The following PPP6R3 variants were observed in gnomAD, a reference collection of about 807,000 sequenced individuals.
The protein encoded by PPP6R3 is serine/threonine-protein phosphatase 6 regulatory subunit 3.
Under a neutral mutation model 110.7 loss-of-function variants are expected in PPP6R3, and 38 were observed. That is an observed-to-expected ratio of 0.34 (90% confidence interval 0.26 to 0.45). The LOEUF (loss-of-function observed/expected upper bound fraction) is 0.45, where lower values mean the gene tolerates loss of function less well. Ranked by LOEUF, PPP6R3 falls within the 20% of genes least tolerant of loss-of-function variation. The pLI is 1.00. For synonymous variants in PPP6R3, 369 were observed against 373.5 expected (o/e 0.99, Z 0.14); for missense variants, 870 against 1,062.4 (o/e 0.82, Z 2.52).
Position 68,591,634 on chromosome 11 carries a change from G to A in PPP6R3, c.1844G>A (p.Gly615Asp), listed in dbSNP as rs756175932. 2 of 1,613,264 alleles carry A rather than the reference G, an allele frequency of 1.2e-6. No individual in the cohort carries two copies. Among genetic ancestry groups the A allele is most frequent in the South Asian group, 1.1e-5 (1 of 90,918 alleles). The change falls in exon 18 of 24, where the codon GGT becomes GAT. Residue 615 changes from glycine (G) to aspartate (D), a missense_variant. Coordinates refer to ENST00000393800, the MANE Select transcript of PPP6R3 (RefSeq NM_001164161.2). ...GAAAGAATACAACAGTTTGATGATG[G>A]TGGCTCTGATGAGGAAGATATATGG... is the stretch of plus-strand genomic sequence containing the variant. ...CKERIQQFDD[G>D]GSDEEDIWEE...
chr11:68,462,697 A>G (rs758509017), intron 1 of PPP6R3, among the ~76,000 whole-genome samples: 25 of 152,178 alleles, frequency 1.6e-4, no homozygotes, highest in Non-Finnish European at 3.1e-4. Context: ...ACATTGAACA[A>G]AATGCCTGCA....
chr11:68,467,315 A>G (rs1365767828), intron 1 of PPP6R3, among the ~76,000 whole-genome samples: 1 of 152,206 alleles, frequency 6.6e-6, no homozygotes, highest in Admixed American at 6.5e-5. Context: ...GTGGAAATAC[A>G]TAGTGACTTG....
chr11:68,545,087 G>A, intron 4 of PPP6R3, 63 bp downstream of exon 4: 2 of 1,294,310 alleles, frequency 1.5e-6, no homozygotes, highest in Non-Finnish European at 1.1e-6. Flanking sequence ...TGATCCCCCA[G>A]TACTTGTTGC....
intron 1 of PPP6R3, among the ~76,000 whole-genome samples, chr11:68,518,838 T>A (rs1001049776): frequency 1.3e-5 from 2 of 152,222 alleles, no homozygotes; most frequent in African/African-American, 2.4e-5. Context: ...GATTGCATTC[T>A]TAGAGGATTT....
chr11:68,591,667 A>G lies in PPP6R3; in HGVS notation c.1877A>G (p.Lys626Arg). ...GSDEEDIWEE[K>R]HIAFTPESQR... ...GATGAGGAAGATATATGGGAGGAAA[A>G]GCACATCGCATTCACACCAGAATCC... is the stretch of plus-strand genomic sequence containing the variant. Residue 626 changes from lysine (K) to arginine (R), a missense_variant, in exon 18 of 24, where the codon AAG (lysine) becomes AGG (arginine). By Grantham distance (26) the Lys-to-Arg change is conservative (BLOSUM62 2). Coordinates refer to ENST00000393800, the MANE Select transcript of PPP6R3 (RefSeq NM_001164161.2). 6.2e-7 allele frequency: 1 copy of G among 1,613,420 alleles called. No homozygotes were observed. The highest frequency in any genetic ancestry group is 8.5e-7 in the Non-Finnish European group (1 of 1,179,708).
chr11:68,535,858 A>G (rs938909281), intron 2 of PPP6R3, among the ~76,000 whole-genome samples: 4 of 151,256 alleles, frequency 2.6e-5, no homozygotes, highest in Non-Finnish European at 4.4e-5. Flanking sequence ...AATCCTAGCT[A>G]CTTGGGAGGC....
chr11:68,477,741 AATATATATATATAT>A lies in PPP6R3; in HGVS notation c.-158+16932_-158+16945del, dbSNP rs1179617745. Among the ~76,000 whole-genome samples the A allele has an allele frequency of 3.5e-5, 2 of 57,894 alleles. 1 individual carries two copies. The highest frequency in any genetic ancestry group is 1.4e-4 in the African/African-American group (2 of 14,016). The allele number at this position is 57,894 out of a possible 152,430, so 38.0% of individuals were successfully genotyped here. ...GACATTGTCTCTTAAAAAAAAAAAA[AATATATATATATAT>A]ATATATATATATATATAATTTCCAA... is the stretch of plus-strand genomic sequence containing the variant. On this transcript the variant is annotated intron_variant, in intron 1 of 23. Coordinates refer to ENST00000393800, the MANE Select transcript of PPP6R3 (RefSeq NM_001164161.2).
rs1491233294 is a variant in PPP6R3, at chr11:68,489,552, T to TGTGTGTGTGTGTG, written c.-158+28725_-158+28726insGTGTGTGTGTGTG. Among the ~76,000 whole-genome samples, 1,177 of 145,034 alleles carry TGTGTGTGTGTGTG rather than the reference T, an allele frequency of 8.1e-3. 15 individuals carry two copies. Among genetic ancestry groups the TGTGTGTGTGTGTG allele is most frequent in the African/African-American group, 0.016 (627 of 38,268 alleles). On this transcript the variant is annotated intron_variant, in intron 1 of 23. Coordinates refer to ENST00000393800, the MANE Select transcript of PPP6R3 (RefSeq NM_001164161.2). ...CTTTCACTTTGCAGATACTGTGTGTTTGTGTGTGTGTGTGTGTGTGTGTGT... is the reference window on the plus strand; with the variant it reads ...CTTTCACTTTGCAGATACTGTGTGTTGTGTGTGTGTGTGTGTGTGTGTGTGTGTGTGTGTGTGT...
rs1189732346 is a variant in PPP6R3, at chr11:68,587,908, C to G, written c.1633-19C>G. 1.3e-6 allele frequency: 2 copies of G among 1,591,088 alleles called. No individual in the cohort carries two copies. Among genetic ancestry groups the G allele is most frequent in the Non-Finnish European group, 8.6e-7 (1 of 1,158,962 alleles). Reference sequence around the variant, plus strand: ...CATTAGAATCATTATATCACTGTCACTGGTCCTGGGGTTGCCAGGCCTTTT... The same window carrying G: ...CATTAGAATCATTATATCACTGTCAGTGGTCCTGGGGTTGCCAGGCCTTTT... On this transcript the variant is annotated intron_variant, in intron 15 of 23. Transcript: ENST00000393800.
intron 1 of PPP6R3, among the ~76,000 whole-genome samples, chr11:68,468,344 A>G (rs1168943406): frequency 1.3e-5 from 2 of 152,198 alleles, no homozygotes. Flanking sequence ...ATAGAGATAC[A>G]CAGGGTTTGT....
intron 1 of PPP6R3, among the ~76,000 whole-genome samples, chr11:68,471,282 CAAAAAAAAAAA>C (rs34619002): frequency 3.5e-5 from 2 of 57,268 alleles, no homozygotes; most frequent in Non-Finnish European, 7.9e-5. Context: ...GATTCTGTCT[CAAAAAAAAAAA>C]AAAAAAAGAA....
rs541587104 is a variant in PPP6R3, at chr11:68,567,923, A to C, written c.1128+757A>C. 5.3e-5 allele frequency among the ~76,000 whole-genome samples: 8 copies of C among 152,284 alleles called. No homozygotes were observed. The East Asian group carries it at 1.4e-3, about 26-fold the overall frequency. On this transcript the variant is annotated intron_variant, in intron 10 of 23. Transcript: ENST00000393800. ...ATTCATGTGATCCTGGGTGATCTCC[A>C]GGACCCTCGGGTGAACATTACAGTG...
intron 5 of PPP6R3, among the ~76,000 whole-genome samples, chr11:68,549,269 C>T (rs540942629): frequency 1.3e-5 from 2 of 152,332 alleles, no homozygotes; most frequent in African/African-American, 4.8e-5. Flanking sequence ...AACCTGCAAC[C>T]TTAGAACTTA....
At chr11:68,531,922 A>G (rs1186964455) in intron 2 of PPP6R3, among the ~76,000 whole-genome samples, 4 of 152,206 alleles carry the variant, frequency 2.6e-5, no homozygotes, top group African/African-American at 7.2e-5. Context: ...GAGGATTTGT[A>G]TATTTGATGA....
intron 1 of PPP6R3, among the ~76,000 whole-genome samples, chr11:68,506,765 T>C (rs1359248897): frequency 1.3e-5 from 2 of 152,344 alleles, no homozygotes; most frequent in African/African-American, 4.8e-5. Context: ...TGTACACTTA[T>C]CTCAGATAAT....
At chr11:68,584,330 G>A (rs113613587) in intron 15 of PPP6R3, among the ~76,000 whole-genome samples, 1,850 of 152,254 alleles carry the variant, frequency 0.012, 15 homozygotes, top group African/African-American at 0.028. Flanking sequence ...AGAGCGCTCT[G>A]GTATTGTCCC....
At chr11:68,608,791 A>C (rs1594128157) in intron 22 of PPP6R3, among the ~76,000 whole-genome samples, 1 of 152,234 alleles carries the variant, frequency 6.6e-6, no homozygotes, top group East Asian at 1.9e-4. Context: ...TTAGCGACTC[A>C]GAATACACAT....
chr11:68,505,694 G>A (rs570540229), intron 1 of PPP6R3, among the ~76,000 whole-genome samples: 5 of 152,332 alleles, frequency 3.3e-5, no homozygotes, highest in Non-Finnish European at 7.3e-5. Flanking sequence ...TCCCAGGGGA[G>A]TGGGGTGGAA....
At chr11:68,464,127 A>T (rs1225473211) in intron 1 of PPP6R3, among the ~76,000 whole-genome samples, 2 of 152,148 alleles carry the variant, frequency 1.3e-5, no homozygotes, top group East Asian at 3.9e-4. Flanking sequence ...AAATGGTGGG[A>T]TTGAGAATCT....
Sources: allele counts gnomAD v4.1 joint callset (sites outside exome capture counted in the v4.1 genomes callset), GRCh38; gene constraint gnomAD v4.1.1; transcripts MANE v1.5; gene names NCBI Gene and HGNC (gene_info 2026-07-23, HGNC 2026-07-21).